RBFOX1: variants seen among roughly 807,000 people sequenced by gnomAD.
The protein encoded by RBFOX1 is RNA binding protein fox-1 homolog 1.
RBFOX1 carries 8 observed loss-of-function variants against 57.7 expected under a neutral mutation model. The ratio of observed to expected loss-of-function variants is 0.14; its 90% CI spans 0.08 to 0.25. The LOEUF is 0.25. Among genes scored for constraint, RBFOX1 ranks in the 10% least tolerant of loss-of-function variants. The pLI is 1.00. For synonymous variants in RBFOX1, 326 were observed against 222.4 expected (o/e 1.47, Z -4.15); for missense variants, 611 against 548.5 (o/e 1.11, Z -1.14).
intron 3 of RBFOX1, among the ~76,000 whole-genome samples, chr16:5,630,862 G>A (rs779474060): frequency 1.3e-5 from 2 of 152,174 alleles, no homozygotes; most frequent in African/African-American, 2.4e-5. Context: ...AACTTTACAT[G>A]TTTTAGTTTG....
intron 1 of RBFOX1, among the ~76,000 whole-genome samples, chr16:5,383,059 C>T (rs1438277430): frequency 2.6e-5 from 4 of 152,174 alleles, no homozygotes; most frequent in African/African-American, 9.7e-5. Context: ...CTGATTGTTG[C>T]TTGATGCCAC....
intron 1 of RBFOX1, among the ~76,000 whole-genome samples, chr16:5,297,181 A>G (rs1172415198): frequency 1.3e-5 from 2 of 152,190 alleles, no homozygotes; most frequent in Non-Finnish European, 2.9e-5. Flanking sequence ...GGTTGATGCC[A>G]TGTATTGGCT....
At chr16:6,575,363 T>C (rs1349911184) in intron 2 of RBFOX1, among the ~76,000 whole-genome samples, 1 of 152,184 alleles carries the variant, frequency 6.6e-6, no homozygotes, top group African/African-American at 2.4e-5. Flanking sequence ...ACATTGTCTA[T>C]AGATTGCTGG....
At chr16:6,947,596 G>A (rs1037767757) in intron 3 of RBFOX1, among the ~76,000 whole-genome samples, 2 of 152,218 alleles carry the variant, frequency 1.3e-5, no homozygotes, top group South Asian at 2.1e-4. Context: ...GCTGCCTCCT[G>A]CCTTGCGTAG....
At chr16:7,458,283 T>G (rs1300124403) in intron 4 of RBFOX1, among the ~76,000 whole-genome samples, 1 of 152,138 alleles carries the variant, frequency 6.6e-6, no homozygotes, top group Non-Finnish European at 1.5e-5. Flanking sequence ...AATGCAGGAA[T>G]TATGTGATTG....
intron 1 of RBFOX1, among the ~76,000 whole-genome samples, chr16:6,183,597 C>T (rs1035000320): frequency 6.6e-6 from 1 of 152,052 alleles, no homozygotes. Flanking sequence ...TCTGGGAATA[C>T]ATCTCTGATG....
intron 2 of RBFOX1, among the ~76,000 whole-genome samples, chr16:5,469,164 G>A (rs1200041867): frequency 3.9e-5 from 6 of 152,160 alleles, no homozygotes; most frequent in African/African-American, 1.4e-4. Context: ...GCAGGTGGTG[G>A]AGGGGTTCTC....
chr16:7,000,568 TC>T (rs1460736484), intron 3 of RBFOX1, among the ~76,000 whole-genome samples: 1 of 149,082 alleles, frequency 6.7e-6, no homozygotes, highest in South Asian at 2.1e-4. Context: ...TAATAAGTTT[TC>T]TTTTCTTTTT....
intron 1 of RBFOX1, among the ~76,000 whole-genome samples, chr16:6,079,283 A>G (rs13336581): frequency 0.7 from 106,048 of 151,750 alleles, 37,558 homozygotes; most frequent in Non-Finnish European, 0.77. Context: ...TGCAGCCTGG[A>G]CAACAAAGCG....
chr16:6,514,207 A>G (rs553810397), intron 2 of RBFOX1, among the ~76,000 whole-genome samples: 2 of 152,142 alleles, frequency 1.3e-5, no homozygotes, highest in South Asian at 4.2e-4. Context: ...TCCTTTGGGG[A>G]TGCTCTCTGC....
chr16:5,701,057 C>T (rs912089626), intron 3 of RBFOX1, among the ~76,000 whole-genome samples: 2 of 152,174 alleles, frequency 1.3e-5, no homozygotes, highest in Non-Finnish European at 2.9e-5. Flanking sequence ...GATTTTTCTT[C>T]TTTTAATAGC....
intron 3 of RBFOX1, among the ~76,000 whole-genome samples, chr16:6,718,015 T>A (rs866910775): frequency 5.9e-5 from 9 of 152,142 alleles, no homozygotes; most frequent in South Asian, 2.1e-4. Flanking sequence ...ACCACCGTCA[T>A]CACCACCATC....
In RBFOX1 at chr16:6,767,938, T is replaced by TAAGAAG. The variant is rs1450877589; in HGVS notation, c.-16+113290_-16+113291insGAAGAA. ...TCAATAATAATAATAATAATAATAA[T>TAAGAAG]AATAATAATAAGAAGAAGAAGAAGA... On this transcript the variant is annotated intron_variant, in intron 3 of 15. Coordinates refer to ENST00000550418, the MANE Select transcript of RBFOX1 (RefSeq NM_018723.4). Among the ~76,000 whole-genome samples the TAAGAAG allele has an allele frequency of 3.3e-3, 278 of 84,744 alleles. 1 individual carries two copies. The highest frequency in any genetic ancestry group is 5.9e-3 in the African/African-American group (93 of 15,706). The allele number at this position is 84,744 out of a possible 152,430, so 55.6% of individuals were successfully genotyped here.
chr16:5,433,288 T>C (rs1407703284), intron 1 of RBFOX1, among the ~76,000 whole-genome samples: 1 of 152,198 alleles, frequency 6.6e-6, no homozygotes, highest in African/African-American at 2.4e-5. Context: ...CAGGCCTGTC[T>C]CTTGTGAGAA....
chr16:6,704,607 C>T lies in RBFOX1; in HGVS notation c.-16+49957C>T, dbSNP rs8044569. On this transcript the variant is annotated intron_variant, in intron 3 of 15. Transcript: ENST00000550418. ...TGCTTTCTCCTTCACCTAGCTGGAG[C>T]CAAGAGGGGTGGGGGAAGACTGAGA... is the stretch of plus-strand genomic sequence containing the variant. 5.5e-3 allele frequency: 840 copies of T among 152,584 alleles called. 8 individuals carry two copies. Among genetic ancestry groups the T allele is most frequent in the African/African-American group, 0.019 (799 of 41,558 alleles). 9.5% of individuals were successfully genotyped at this position (152,584 alleles called of 1,614,324 possible).
intron 1 of RBFOX1, among the ~76,000 whole-genome samples, chr16:5,369,049 T>A (rs508639): frequency 6.6e-6 from 1 of 152,032 alleles, no homozygotes; most frequent in Non-Finnish European, 1.5e-5. Flanking sequence ...TTGCCCAGGC[T>A]GGAGTGCAGT....
At chr16:7,054,545 T>TTGGGGG (rs1555823212) in intron 4 of RBFOX1, among the ~76,000 whole-genome samples, 1 of 108,404 alleles carries the variant, frequency 9.2e-6, no homozygotes, top group Non-Finnish European at 2.0e-5. Context: ...CAAACCTGGG[T>TTGGGGG]GGGGGGGCAT....
intron 3 of RBFOX1, among the ~76,000 whole-genome samples, chr16:5,855,007 C>G (rs1279444321): frequency 6.6e-6 from 1 of 152,132 alleles, no homozygotes. Context: ...AAGCCTGTTG[C>G]CCATTTGTAC....
intron 11 of RBFOX1, among the ~76,000 whole-genome samples, chr16:7,646,004 G>C (rs1464640433): frequency 7.4e-6 from 1 of 135,780 alleles, no homozygotes; most frequent in South Asian, 2.5e-4. Flanking sequence ...TTTAAAAAAA[G>C]AAAAACCTTT....
Sources: allele counts gnomAD v4.1 joint callset (sites outside exome capture counted in the v4.1 genomes callset), GRCh38; gene constraint gnomAD v4.1.1; transcripts MANE v1.5; gene names NCBI Gene and HGNC (gene_info 2026-07-23, HGNC 2026-07-21).